The following ARHGEF7 variants were observed in gnomAD, a reference collection of about 807,000 sequenced individuals.
ARHGEF7 encodes Rho guanine nucleotide exchange factor 7.
Under a neutral mutation model 109.8 loss-of-function variants are expected in ARHGEF7, and 33 were observed. The observed-to-expected ratio is 0.30, with a 90% confidence interval of 0.23 to 0.40. ARHGEF7 has a LOEUF of 0.40. Ranked by LOEUF, ARHGEF7 falls within the 10% of genes least tolerant of loss-of-function variation. The probability of loss-of-function intolerance (pLI) is 1.00; values close to 1 mark genes in which losing one functional copy is unlikely to be tolerated. For missense variants in ARHGEF7, 938 were observed against 1,098.5 expected, an observed-to-expected ratio of 0.85 and a Z score of 2.07; for synonymous variants, 458 against 424.6, an observed-to-expected ratio of 1.08 and a Z score of -0.97.
chr13:111,186,393 C>G (rs891851602), intron 2 of ARHGEF7, among the ~76,000 whole-genome samples: 1 of 151,580 alleles, frequency 6.6e-6, no homozygotes, highest in African/African-American at 2.4e-5. Context: ...TGAAATAAAT[C>G]ATTTGGGTGC....
At chr13:111,274,921 C>CA (rs1255453571) in intron 11 of ARHGEF7, 131 bp downstream of exon 11, 4 of 526,064 alleles carry the variant, frequency 7.6e-6, no homozygotes, top group Non-Finnish European at 1.2e-5. Flanking sequence ...ACAGAGTCGG[C>CA]ATTCTGTGGC....
intron 2 of ARHGEF7, among the ~76,000 whole-genome samples, chr13:111,193,022 C>T (rs1268480253): frequency 1.3e-5 from 2 of 152,224 alleles, no homozygotes; most frequent in East Asian, 3.8e-4. Flanking sequence ...TCCTTTGGCA[C>T]ACCTCACAGA....
chr13:111,171,120 T>G (rs2077560999), intron 2 of ARHGEF7, among the ~76,000 whole-genome samples: 1 of 152,272 alleles, frequency 6.6e-6, no homozygotes, highest in African/African-American at 2.4e-5. Context: ...GCTTTTACTT[T>G]AAGCTTAAGC....
chr13:111,144,841 T>G (rs1411616976), intron 1 of ARHGEF7: 3 of 152,188 alleles, frequency 2.0e-5, no homozygotes, highest in Non-Finnish European at 2.9e-5. Context: ...TCTTCTCTAA[T>G]GTATTTAATA....
chr13:111,171,181 A>G (rs959980683), intron 2 of ARHGEF7, among the ~76,000 whole-genome samples: 4 of 152,228 alleles, frequency 2.6e-5, no homozygotes, highest in African/African-American at 9.6e-5. Context: ...GTATAACCAA[A>G]TGGAATTAGC....
intron 2 of ARHGEF7, among the ~76,000 whole-genome samples, chr13:111,160,782 G>A (rs1009248311): frequency 7.9e-5 from 12 of 152,108 alleles, no homozygotes; most frequent in African/African-American, 2.7e-4. Context: ...GTTTTATAAG[G>A]GGCTCCTCCC....
chr13:111,213,001 G>GC (rs2082681831), intron 4 of ARHGEF7, among the ~76,000 whole-genome samples: 6 of 152,188 alleles, frequency 3.9e-5, no homozygotes, highest in Admixed American at 3.9e-4. Flanking sequence ...AGTAAAAATT[G>GC]TGTCTCCGTC....
chr13:111,172,038 T>G lies in ARHGEF7; in HGVS notation c.252+18047T>G, dbSNP rs547500406. 3.3e-5 allele frequency among the ~76,000 whole-genome samples: 5 copies of G among 152,316 alleles called. No homozygotes were observed. In the East Asian group the frequency reaches 9.7e-4, roughly 29 times the overall value. On this transcript the variant is annotated intron_variant, in intron 2 of 21. Transcript: ENST00000646102. Reference sequence around the variant, plus strand: ...CTTATGAGCCGCCCAGGTTATGGTATTTTCTTACAGCAGCCTGAACGGCCC... The same window carrying G: ...CTTATGAGCCGCCCAGGTTATGGTAGTTTCTTACAGCAGCCTGAACGGCCC...
At position 111,304,333 on chromosome 13, in the gene ARHGEF7, C is replaced by T. The variant is rs1007266842; in HGVS notation, c.*1220C>T. 7 of 152,204 alleles carry T rather than the reference C, an allele frequency of 4.6e-5. No homozygotes were observed. Among genetic ancestry groups the T allele is most frequent in the African/African-American group, 7.2e-5 (3 of 41,460 alleles). The allele number at this position is 152,204 out of a possible 1,614,324, so 9.4% of individuals were successfully genotyped here. ...GCGGTCCTGGGCAGGAAGCCCGGCC[C>T]GTGGAGCAGGTTTTCGTTCTGCTTC... On this transcript the variant is annotated 3_prime_UTR_variant, in exon 22 of 22. Transcript: ENST00000646102.
intron 1 of ARHGEF7, among the ~76,000 whole-genome samples, chr13:111,139,657 G>T (rs1409204969): frequency 1.3e-5 from 2 of 151,744 alleles, no homozygotes; most frequent in Non-Finnish European, 2.9e-5. Context: ...GATGTGGGCT[G>T]CAGGAGCAGG....
At chr13:111,204,425 T>C (rs1339225567) in intron 2 of ARHGEF7, among the ~76,000 whole-genome samples, 4 of 152,260 alleles carry the variant, frequency 2.6e-5, no homozygotes, top group Non-Finnish European at 5.9e-5. Flanking sequence ...GTGGACGATT[T>C]GACTGTTTAT....
At chr13:111,171,165 G>A (rs1205264985) in intron 2 of ARHGEF7, among the ~76,000 whole-genome samples, 2 of 152,138 alleles carry the variant, frequency 1.3e-5, no homozygotes, top group East Asian at 1.9e-4. Flanking sequence ...TTTTGTTCAG[G>A]GCTCTGTATA....
intron 8 of ARHGEF7, among the ~76,000 whole-genome samples, chr13:111,251,519 C>T (rs1014784732): frequency 5.9e-5 from 9 of 152,114 alleles, no homozygotes; most frequent in Non-Finnish European, 8.8e-5. Flanking sequence ...GGGCAGAGGG[C>T]AGGAGGACAC....
At chr13:111,118,509 A>T (rs1444216304) in intron 1 of ARHGEF7, among the ~76,000 whole-genome samples, 1 of 152,054 alleles carries the variant, frequency 6.6e-6, no homozygotes, top group East Asian at 1.9e-4. Flanking sequence ...GTATCTGGAG[A>T]TCCTGCACTT....
At chr13:111,182,502 T>G (rs1232605337) in intron 2 of ARHGEF7, 1 of 152,478 alleles carries the variant, frequency 6.6e-6, no homozygotes, top group Non-Finnish European at 1.5e-5. Flanking sequence ...GTTGCTTGGC[T>G]GTGGGCATGG....
chr13:111,278,062 A>G (rs2092586280), intron 13 of ARHGEF7, among the ~76,000 whole-genome samples: 1 of 152,198 alleles, frequency 6.6e-6, no homozygotes, highest in South Asian at 2.1e-4. Context: ...ATCTTGTGTC[A>G]GTGGCACGGC....
intron 2 of ARHGEF7, among the ~76,000 whole-genome samples, chr13:111,175,089 G>A (rs1439944475): frequency 2.0e-5 from 3 of 152,208 alleles, no homozygotes; most frequent in Non-Finnish European, 4.4e-5. Context: ...CTGCCTTCTG[G>A]GAGTGGGACG....
At chr13:111,278,874 T>C (rs1331858831) in intron 13 of ARHGEF7, among the ~76,000 whole-genome samples, 1 of 152,234 alleles carries the variant, frequency 6.6e-6, no homozygotes, top group Non-Finnish European at 1.5e-5. Flanking sequence ...TCTCTGCCTG[T>C]GTGGCTGGTG....
At chr13:111,268,438 A>G (rs896676624) in intron 9 of ARHGEF7, among the ~76,000 whole-genome samples, 1 of 152,262 alleles carries the variant, frequency 6.6e-6, no homozygotes, top group African/African-American at 2.4e-5. Flanking sequence ...ACACATTTTC[A>G]AAACCATAAA....
Sources: gnomAD v4.1 joint callset for allele counts (sites outside exome capture counted in the v4.1 genomes callset) on GRCh38, gnomAD v4.1.1 for gene constraint, MANE v1.5 for transcripts, NCBI Gene and HGNC (gene_info 2026-07-23, HGNC 2026-07-21) for gene names.